ZBED6: variants seen among roughly 807,000 people sequenced by gnomAD.
ZBED6 encodes the protein zinc finger BED domain-containing protein 6.
Under a neutral mutation model 58.4 loss-of-function variants are expected in ZBED6, and 40 were observed. That is an observed-to-expected ratio of 0.68 (90% confidence interval 0.53 to 0.89). ZBED6 has a LOEUF of 0.89. Ranked by LOEUF, ZBED6 falls within the 40% of genes least tolerant of loss-of-function variation. The pLI is 0.00. For missense variants in ZBED6, 1,057 were observed against 1,003.9 expected, an observed-to-expected ratio of 1.05 and a Z score of -0.71; for synonymous variants, 439 against 350.6, an observed-to-expected ratio of 1.25 and a Z score of -2.82.
chr1:203,817,866 C>G (rs1482990308), intron 2 of ZBED6, among the ~76,000 whole-genome samples: 1 of 151,952 alleles, frequency 6.6e-6, no homozygotes. Flanking sequence ...CATTCTCCTG[C>G]CTCAGCCTCC....
At chr1:203,805,742 G>A in intron 1 of ZBED6, 1 of 669,448 alleles carries the variant, frequency 1.5e-6, no homozygotes, top group Non-Finnish European at 2.9e-6. Context: ...TAGAACTCTT[G>A]GTCAGCCACA....
chr1:203,797,957 C>T (rs1453475100), exon 1 of ZBED6: 2 of 1,535,890 alleles, frequency 1.3e-6, no homozygotes, highest in South Asian at 1.2e-5. Flanking sequence ...ACCCCCAGTA[C>T]ACCTGGCGGG....
exon 1 of ZBED6, chr1:203,796,422 C>T (rs1668522158): frequency 5.0e-6 from 2 of 398,990 alleles, no homozygotes; most frequent in Non-Finnish European, 8.8e-6. Flanking sequence ...GAGTCAAGAG[C>T]AACAGGGACA....
At position 203,799,199 on chromosome 1, in the gene ZBED6, C is replaced by T. The variant is rs191991889; in HGVS notation, c.1677C>T (p.Ser559=). Residue 559 remains serine (S), a synonymous_variant, in exon 1 of 17, where the codon AGC becomes AGT. Transcript: ENST00000550078. ...TTTCTCCAAATTTCCTTATCCCTAGCTTCATTGTTTCTGACAATTCCTCTA... is the reference window on the plus strand; with the variant it reads ...TTTCTCCAAATTTCCTTATCCCTAGTTTCATTGTTTCTGACAATTCCTCTA... 7.5e-5 allele frequency: 85 copies of T among 1,138,514 alleles called. 1 individual carries two copies. The African/African-American group carries it at 1.1e-3, about 14-fold the overall frequency. The allele number at this position is 1,138,514 out of a possible 1,614,324, so 70.5% of individuals were successfully genotyped here.
chr1:203,831,957 A>C (rs1682516338), intron 8 of ZBED6, among the ~76,000 whole-genome samples, 186 bp downstream of exon 8: 1 of 152,218 alleles, frequency 6.6e-6, no homozygotes, highest in Non-Finnish European at 1.5e-5. Context: ...ATTCTTTGTC[A>C]AGCAGCCCTC....
chr1:203,834,324 T>C (rs1409592249), intron 9 of ZBED6, among the ~76,000 whole-genome samples: 3 of 152,320 alleles, frequency 2.0e-5, no homozygotes, highest in Non-Finnish European at 4.4e-5. Flanking sequence ...CAGGCTGGAG[T>C]GCAGTGGTGC....
At chr1:203,851,473 G>T (rs1689241129) in intron 16 of ZBED6, among the ~76,000 whole-genome samples, 1 of 152,130 alleles carries the variant, frequency 6.6e-6, no homozygotes. Context: ...GGGATTACAG[G>T]TGCCTGCCAC....
intron 10 of ZBED6, 119 bp from the exon 11 acceptor site, chr1:203,840,187 C>A: frequency 1.1e-6 from 1 of 908,984 alleles, no homozygotes; most frequent in Non-Finnish European, 1.7e-6. Context: ...GATCAGCCTG[C>A]CTTGGCCTCC....
chr1:203,833,783 C>T lies in ZBED6; in HGVS notation c.*3511-8C>T. On this transcript the variant is annotated splice_polypyrimidine_tract_variant and splice_region_variant and intron_variant, in intron 8 of 16. Coordinates refer to ENST00000550078, the Ensembl canonical transcript of ZBED6. ...AAGGATAGAGAAATTCTGCTTTTGCCATTTCAGGAGAAGAACCCTTGGTTA... is the reference window on the plus strand; with the variant it reads ...AAGGATAGAGAAATTCTGCTTTTGCTATTTCAGGAGAAGAACCCTTGGTTA... 6.2e-7 allele frequency: 1 copy of T among 1,602,038 alleles called. No homozygotes were observed. The highest frequency in any genetic ancestry group is 2.3e-5 in the East Asian group (1 of 44,366).
exon 1 of ZBED6, chr1:203,800,599 C>T (rs1460849836): frequency 1.5e-6 from 1 of 683,616 alleles, no homozygotes; most frequent in African/African-American, 1.9e-5. Context: ...GAAAATTCCT[C>T]AGAGGCAATA....
chr1:203,819,706 G>A (rs1203776924), intron 3 of ZBED6, among the ~76,000 whole-genome samples: 1 of 150,152 alleles, frequency 6.7e-6, no homozygotes, highest in Non-Finnish European at 1.5e-5. Flanking sequence ...GGCTAATTCT[G>A]TATTTTTAGT....
chr1:203,822,049 G>C (rs1306331389), intron 3 of ZBED6, among the ~76,000 whole-genome samples: 2 of 151,986 alleles, frequency 1.3e-5, no homozygotes, highest in African/African-American at 4.8e-5. Flanking sequence ...GAGCCACCGT[G>C]CCTGGCCCTA....
At chr1:203,852,183 C>T in exon 17 of ZBED6, 1 of 1,613,602 alleles carries the variant, frequency 6.2e-7, no homozygotes, top group Non-Finnish European at 8.5e-7. Flanking sequence ...ATTCCTCACC[C>T]CCGGAGGTGT....
chr1:203,796,146 G>T, exon 1 of ZBED6: 1 of 249,006 alleles, frequency 4.0e-6, no homozygotes, highest in East Asian at 7.1e-5. Flanking sequence ...CCCGAAAACC[G>T]ACTGTTCCCC....
rs369606172 is a variant in ZBED6 at position 203,850,510 on chromosome 1, T to C, written c.*4639-5T>C. The C allele has an allele frequency of 1.2e-6, 2 of 1,613,882 alleles. No homozygotes were observed. The highest frequency in any genetic ancestry group is 2.7e-5 in the African/African-American group (2 of 74,930). On this transcript the variant is annotated splice_region_variant and splice_polypyrimidine_tract_variant and intron_variant, in intron 14 of 16. Coordinates refer to ENST00000550078, the Ensembl canonical transcript of ZBED6. ...TGCTTATCAGATATTTTCTGCCCTT[T>C]GTAGCTAAACCCAAAGTGAACGTGA...
chr1:203,844,172 A>G (rs1402793864), intron 11 of ZBED6, among the ~76,000 whole-genome samples: 1 of 143,638 alleles, frequency 7.0e-6, no homozygotes, highest in African/African-American at 2.6e-5. Context: ...TTTTATTTTT[A>G]TTTTTGTTTG....
intron 3 of ZBED6, among the ~76,000 whole-genome samples, chr1:203,819,083 T>C (rs1317285044): frequency 3.0e-5 from 2 of 67,162 alleles, no homozygotes; most frequent in African/African-American, 8.6e-5. Context: ...AAAAAATATA[T>C]ATATATACAC....
chr1:203,831,392 G>T (rs1012499686), intron 7 of ZBED6, among the ~76,000 whole-genome samples: 47 of 152,010 alleles, frequency 3.1e-4, no homozygotes, highest in African/African-American at 1.1e-3. Flanking sequence ...TAGCTTTATT[G>T]GTAAATATTA....
At chr1:203,797,494 C>G in exon 1 of ZBED6, 2 of 1,460,992 alleles carry the variant, frequency 1.4e-6, no homozygotes, top group Admixed American at 2.7e-5. Context: ...CTAACAGATT[C>G]TGGTACGAAT....
Sources: allele counts gnomAD v4.1 joint callset (sites outside exome capture counted in the v4.1 genomes callset), GRCh38; gene constraint gnomAD v4.1.1; transcripts MANE v1.5; gene names NCBI Gene and HGNC (gene_info 2026-07-23, HGNC 2026-07-21).